The following STK32B variants were observed in gnomAD, a reference collection of about 807,000 sequenced individuals.
The protein encoded by STK32B is serine/threonine kinase 32B, also known as serine/threonine-protein kinase 32B.
Under a neutral mutation model 52.6 loss-of-function variants are expected in STK32B, and 43 were observed. The observed-to-expected ratio is 0.82, with a 90% CI of 0.64 to 1.05. The LOEUF (loss-of-function observed/expected upper bound fraction) is 1.05, where lower values mean the gene tolerates loss of function less well. Ranked by LOEUF, STK32B falls within the 50% of genes least tolerant of loss-of-function variation. STK32B has a pLI of 0.00. For synonymous variants in STK32B, 238 were observed against 204.3 expected, an observed-to-expected ratio of 1.17 and a Z score of -1.41; for missense variants, 621 against 534.6, an observed-to-expected ratio of 1.16 and a Z score of -1.59.
chr4:5,178,414 C>T (rs1420811964), intron 3 of STK32B, among the ~76,000 whole-genome samples: 1 of 152,188 alleles, frequency 6.6e-6, no homozygotes, highest in Non-Finnish European at 1.5e-5. Flanking sequence ...GCCTCTGGGC[C>T]TGTGATGGGA....
chr4:5,316,115 T>A (rs1199053619), intron 3 of STK32B, among the ~76,000 whole-genome samples: 2 of 111,916 alleles, frequency 1.8e-5, no homozygotes, highest in Non-Finnish European at 3.2e-5. Context: ...TGTATAAATA[T>A]ATATATATAT....
chr4:5,071,516 A>G (rs1711775847), intron 1 of STK32B, among the ~76,000 whole-genome samples: 1 of 152,194 alleles, frequency 6.6e-6, no homozygotes, highest in South Asian at 2.1e-4. Context: ...ATATTTATAA[A>G]TTCCATTTAA....
intron 4 of STK32B, among the ~76,000 whole-genome samples, chr4:5,372,958 G>A (rs1202972551): frequency 1.3e-5 from 2 of 152,156 alleles, no homozygotes; most frequent in African/African-American, 2.4e-5. Context: ...TTCATTTGAA[G>A]TCAATAAAGA....
intron 6 of STK32B, among the ~76,000 whole-genome samples, chr4:5,417,615 C>G (rs1295616668): frequency 6.6e-6 from 1 of 152,142 alleles, no homozygotes; most frequent in East Asian, 1.9e-4. Context: ...TTCTTTCTCC[C>G]TAAGTTCTCC....
intron 2 of STK32B, among the ~76,000 whole-genome samples, chr4:5,159,482 G>C (rs1043669826): frequency 3.7e-5 from 5 of 135,454 alleles, no homozygotes; most frequent in Non-Finnish European, 6.2e-5. Flanking sequence ...ACATATATAT[G>C]AATACATATG....
chr4:5,061,473 A>G (rs766229197), intron 1 of STK32B, among the ~76,000 whole-genome samples: 3 of 152,066 alleles, frequency 2.0e-5, no homozygotes, highest in Non-Finnish European at 2.9e-5. Context: ...TCCATTGTCT[A>G]TTGTTTCATT....
At chr4:5,298,790 G>T (rs1206820229) in intron 3 of STK32B, among the ~76,000 whole-genome samples, 2 of 151,694 alleles carry the variant, frequency 1.3e-5, no homozygotes, top group African/African-American at 4.9e-5. Context: ...CTTTCCAGGG[G>T]AGTGAATGGT....
intron 4 of STK32B, among the ~76,000 whole-genome samples, chr4:5,370,459 A>G (rs1020631836): frequency 6.6e-6 from 1 of 152,154 alleles, no homozygotes; most frequent in African/African-American, 2.4e-5. Flanking sequence ...AGGTTTGTTT[A>G]CACTTCTGTA....
intron 1 of STK32B, among the ~76,000 whole-genome samples, chr4:5,111,271 C>T (rs1714388292): frequency 6.6e-6 from 1 of 152,048 alleles, no homozygotes; most frequent in Non-Finnish European, 1.5e-5. Flanking sequence ...GGTATCTGCT[C>T]AAAGGAAAAT....
intron 6 of STK32B, among the ~76,000 whole-genome samples, chr4:5,430,456 C>T (rs556240301): frequency 6.6e-6 from 1 of 152,314 alleles, no homozygotes; most frequent in African/African-American, 2.4e-5. Context: ...AAATCCCCGT[C>T]TGTTAACGCA....
At chr4:5,271,799 T>G (rs966288528) in intron 3 of STK32B, among the ~76,000 whole-genome samples, 1 of 138,810 alleles carries the variant, frequency 7.2e-6, no homozygotes, top group East Asian at 2.1e-4. Context: ...GATTTGGCTC[T>G]CTGTTTGTCT....
the STK32B span, among the ~76,000 whole-genome samples, chr4:5,025,793 G>A: frequency 6.6e-6 from 1 of 152,194 alleles, no homozygotes; most frequent in African/African-American, 2.4e-5. Flanking sequence ...CCCAACAGAG[G>A]AGTCCCCTCT....
At chr4:5,353,689 A>T (rs1394600676) in intron 4 of STK32B, among the ~76,000 whole-genome samples, 2 of 152,210 alleles carry the variant, frequency 1.3e-5, no homozygotes, top group Admixed American at 6.5e-5. Context: ...GAACAAGAAG[A>T]TATTATCTTA....
At chr4:5,280,657 G>A (rs1049207108) in intron 3 of STK32B, among the ~76,000 whole-genome samples, 2 of 152,158 alleles carry the variant, frequency 1.3e-5, no homozygotes, top group African/African-American at 4.8e-5. Context: ...CACTTTGGGA[G>A]GCCGAGGTGG....
chr4:5,152,985 T>A (rs1408320736), intron 2 of STK32B, among the ~76,000 whole-genome samples: 2 of 152,218 alleles, frequency 1.3e-5, no homozygotes, highest in Non-Finnish European at 2.9e-5. Context: ...GTCTACCTTG[T>A]CCCACTAATA....
At chr4:5,223,072 C>G (rs1723643043) in intron 3 of STK32B, among the ~76,000 whole-genome samples, 2 of 152,162 alleles carry the variant, frequency 1.3e-5, no homozygotes, top group South Asian at 4.1e-4. Context: ...TCCCCACATT[C>G]TTGTACAGCA....
chr4:5,178,997 A>G (rs971569957), intron 3 of STK32B, among the ~76,000 whole-genome samples: 6 of 152,160 alleles, frequency 3.9e-5, no homozygotes, highest in African/African-American at 7.2e-5. Context: ...CTCGGTACCA[A>G]TGTACTGTAT....
Position 5,333,504 on chromosome 4 carries a change from G to C in STK32B, c.434+2111G>C, listed in dbSNP as rs539884741. Among the ~76,000 whole-genome samples the C allele has an allele frequency of 7.9e-3, 1,197 of 152,202 alleles. 22 individuals carry two copies. The highest frequency in any genetic ancestry group is 0.02 in the African/African-American group (850 of 41,518). Reference sequence around the variant, plus strand: ...AATGAGATCCCATTTGTCAATTTTGGCTTTTGTTGCCATTGCTTTTGGTGT... The same window carrying C: ...AATGAGATCCCATTTGTCAATTTTGCCTTTTGTTGCCATTGCTTTTGGTGT... On this transcript the variant is annotated intron_variant, in intron 4 of 11. Transcript: ENST00000282908.
chr4:5,342,983 G>A lies in STK32B; in HGVS notation c.434+11590G>A, dbSNP rs189804425. ...TCTTTTTTATACTTTAAGTTTTAGG[G>A]TACATGTGCACAACATGCAGGTTTG... On this transcript the variant is annotated intron_variant, in intron 4 of 11. Transcript: ENST00000282908. Among the ~76,000 whole-genome samples the A allele has an allele frequency of 4.7e-4, 71 of 152,096 alleles. No individual in the cohort carries two copies. In the East Asian group the frequency reaches 8.5e-3, roughly 18 times the overall value.
Sources: allele counts gnomAD v4.1 joint callset (sites outside exome capture counted in the v4.1 genomes callset), GRCh38; gene constraint gnomAD v4.1.1; transcripts MANE v1.5; gene names NCBI Gene and HGNC (gene_info 2026-07-23, HGNC 2026-07-21).